TBCK: variants seen among roughly 807,000 people sequenced by gnomAD.
TBCK encodes the protein TBC domain-containing protein kinase-like protein.
A neutral mutation model predicts 113.4 loss-of-function variants in TBCK; 99 were observed. That is an observed-to-expected ratio of 0.87 (90% CI 0.74 to 1.03). The LOEUF (loss-of-function observed/expected upper bound fraction) is 1.03. Among genes scored for constraint, TBCK ranks in the 50% least tolerant of loss-of-function variants. TBCK has a pLI of 0.00. For synonymous variants in TBCK, 369 were observed against 370.8 expected, an observed-to-expected ratio of 1.00 and a Z score of 0.05; for missense variants, 1,045 against 1,061.3, an observed-to-expected ratio of 0.98 and a Z score of 0.21.
intron 25 of TBCK, among the ~76,000 whole-genome samples, chr4:106,077,969 T>C (rs772676260): frequency 3.9e-5 from 6 of 152,134 alleles, no homozygotes; most frequent in Non-Finnish European, 8.8e-5. Flanking sequence ...GACCACAGCA[T>C]AGTAAAAACA....
chr4:106,293,969 T>A (rs1464656854), intron 3 of TBCK, among the ~76,000 whole-genome samples: 1 of 152,218 alleles, frequency 6.6e-6, no homozygotes, highest in East Asian at 1.9e-4. Context: ...CATTTAATAG[T>A]ATATTTCTAA....
chr4:106,229,708 C>A (rs1758643609), intron 19 of TBCK, among the ~76,000 whole-genome samples: 1 of 151,768 alleles, frequency 6.6e-6, no homozygotes, highest in South Asian at 2.1e-4. Flanking sequence ...TTGCTCAGGA[C>A]AGCTTTGGCT....
chr4:106,202,760 A>C (rs1479974367), intron 20 of TBCK, among the ~76,000 whole-genome samples: 1 of 152,082 alleles, frequency 6.6e-6, no homozygotes, highest in African/African-American at 2.4e-5. Context: ...CTATCAGAGT[A>C]AACAATAAAT....
chr4:106,224,312 T>C (rs934956621), intron 19 of TBCK, among the ~76,000 whole-genome samples: 5 of 8,326 alleles, frequency 6.0e-4, no homozygotes, highest in African/African-American at 1.0e-3. Flanking sequence ...ATAGTAATAA[T>C]AACTTTTTTT....
intron 25 of TBCK, among the ~76,000 whole-genome samples, chr4:106,092,375 T>C (rs570910114): frequency 6.6e-6 from 1 of 152,362 alleles, no homozygotes; most frequent in East Asian, 1.9e-4. Context: ...TGGAGCTGCC[T>C]GCCAGTCCCA....
chr4:106,210,725 A>T (rs1202348420), intron 20 of TBCK, among the ~76,000 whole-genome samples: 1 of 152,156 alleles, frequency 6.6e-6, no homozygotes, highest in Non-Finnish European at 1.5e-5. Context: ...GTATTTGATG[A>T]GTGATAATAT....
intron 19 of TBCK, among the ~76,000 whole-genome samples, chr4:106,216,977 T>C (rs1029391304): frequency 6.6e-6 from 1 of 152,202 alleles, no homozygotes; most frequent in East Asian, 1.9e-4. Flanking sequence ...AATAAAATAC[T>C]GCCAAACCAA....
intron 23 of TBCK, among the ~76,000 whole-genome samples, chr4:106,131,387 C>T (rs752583218): frequency 1.3e-4 from 20 of 152,146 alleles, no homozygotes; most frequent in Non-Finnish European, 2.1e-4. Flanking sequence ...CCAAGGCGGG[C>T]GGATCACCTG....
At chr4:106,232,744 T>C (rs1185333388) in intron 17 of TBCK, among the ~76,000 whole-genome samples, 194 bp downstream of exon 17, 2 of 152,054 alleles carry the variant, frequency 1.3e-5, no homozygotes, top group African/African-American at 4.8e-5. Flanking sequence ...ATTATGTTTT[T>C]TAATGATATC....
chr4:106,120,220 A>G (rs921927112), intron 23 of TBCK, among the ~76,000 whole-genome samples: 6 of 152,106 alleles, frequency 3.9e-5, no homozygotes, highest in African/African-American at 1.4e-4. Context: ...CACCTGGAAA[A>G]TCGGGTCACT....
intron 22 of TBCK, among the ~76,000 whole-genome samples, chr4:106,187,149 T>C (rs1241792527): frequency 1.3e-5 from 2 of 152,182 alleles, no homozygotes; most frequent in Non-Finnish European, 2.9e-5. Context: ...ATCCTTGTAG[T>C]AGAGTTTGAA....
At chr4:106,297,892 C>T (rs947576216) in intron 2 of TBCK, among the ~76,000 whole-genome samples, 4 of 152,128 alleles carry the variant, frequency 2.6e-5, no homozygotes, top group Non-Finnish European at 4.4e-5. Flanking sequence ...CCACCTGCCT[C>T]ACAGGGTTGT....
In TBCK at chr4:106,301,867, A is replaced by C. The variant is rs1351378185; in HGVS notation, c.194-6701T>G. ...AATCAAAATTCTTTGAGGAGACACA[A>C]ATCAAAGTCATGTGGTATTACACCA... is the stretch of plus-strand genomic sequence containing the variant. On this transcript the variant is annotated intron_variant, in intron 2 of 25. Transcript: ENST00000394708. Among the ~76,000 whole-genome samples, 3 of 152,192 alleles carry C rather than the reference A, an allele frequency of 2.0e-5. No individual in the cohort carries two copies. The East Asian group carries it at 5.8e-4, about 29-fold the overall frequency.
At chr4:106,189,175 T>G (rs1321739238) in intron 22 of TBCK, among the ~76,000 whole-genome samples, 1 of 151,952 alleles carries the variant, frequency 6.6e-6, no homozygotes, top group African/African-American at 2.4e-5. Flanking sequence ...TTATATGTAA[T>G]TTTTACAGAT....
At chr4:106,130,628 A>ACACACACACC (rs750616810) in intron 23 of TBCK, among the ~76,000 whole-genome samples, 2 of 144,622 alleles carry the variant, frequency 1.4e-5, no homozygotes, top group African/African-American at 5.3e-5. Context: ...ACACACACAC[A>ACACACACACC]CCACACAGAA....
intron 23 of TBCK, among the ~76,000 whole-genome samples, chr4:106,137,317 A>C (rs1001393707): frequency 2.1e-5 from 3 of 140,852 alleles, no homozygotes; most frequent in Non-Finnish European, 3.2e-5. Context: ...TATTAATAAG[A>C]CTTGTAAAAA....
intron 3 of TBCK, among the ~76,000 whole-genome samples, chr4:106,281,255 T>C (rs190165504): frequency 6.6e-6 from 1 of 152,136 alleles, no homozygotes; most frequent in African/African-American, 2.4e-5. Context: ...TTTTATCTTT[T>C]GATTTTGTAT....
chr4:106,248,082 C>A, intron 9 of TBCK, 163 bp downstream of exon 9: 1 of 424,482 alleles, frequency 2.4e-6, no homozygotes, highest in Non-Finnish European at 4.2e-6. Context: ...CATTAATTCA[C>A]AAAAAATGAA....
chr4:106,109,765 T>C (rs1018208068), intron 24 of TBCK, among the ~76,000 whole-genome samples: 4 of 151,970 alleles, frequency 2.6e-5, no homozygotes, highest in Non-Finnish European at 5.9e-5. Flanking sequence ...AAAGCAAAAA[T>C]TGACAAATGG....
Sources: gnomAD v4.1 joint callset for allele counts (sites outside exome capture counted in the v4.1 genomes callset) on GRCh38, gnomAD v4.1.1 for gene constraint, MANE v1.5 for transcripts, NCBI Gene and HGNC (gene_info 2026-07-23, HGNC 2026-07-21) for gene names.